The following JDP2 variants were observed in gnomAD, a reference collection of about 807,000 sequenced individuals.
The protein encoded by JDP2 is progesterone receptor co-activator.
JDP2 carries 9 observed loss-of-function variants against 17.1 expected under a neutral mutation model. That is an observed-to-expected ratio of 0.53 (90% CI 0.32 to 0.92). JDP2 has a LOEUF of 0.92. JDP2 is among the 40% of genes least tolerant of loss of function. The probability of loss-of-function intolerance (pLI) is 0.04; values close to 1 mark genes in which losing one functional copy is unlikely to be tolerated. For synonymous variants in JDP2, 107 were observed against 95.6 expected (o/e 1.12, Z -0.69); for missense variants, 179 against 220.0 (o/e 0.81, Z 1.18).
intron 2 of JDP2, among the ~76,000 whole-genome samples, chr14:75,459,527 G>C (rs1183225511): frequency 6.6e-6 from 1 of 152,332 alleles, no homozygotes; most frequent in East Asian, 1.9e-4. Context: ...CGATGGCCAT[G>C]GTGCTGGTCT....
At chr14:75,445,654 A>G (rs1451139355) in intron 2 of JDP2, 2 of 897,406 alleles carry the variant, frequency 2.2e-6, no homozygotes, top group Admixed American at 1.2e-4. Flanking sequence ...AGTACCATAT[A>G]CATATATTAT....
Position 75,465,714 on chromosome 14 carries a change from G to C in JDP2, c.307-3576G>C, listed in dbSNP as rs544891046. ...AAACTGAGGCCCAGAGAGAGGAAGT[G>C]ACGTGGCCAAGTTCACACAGCCAGG... On this transcript the variant is annotated intron_variant, in intron 3 of 3. Transcript: ENST00000651602. 2.0e-5 allele frequency among the ~76,000 whole-genome samples: 3 copies of C among 152,320 alleles called. No individual in the cohort carries two copies. In the South Asian group the frequency reaches 6.2e-4, roughly 32 times the overall value.
At chr14:75,450,602 C>T (rs993644980) in intron 2 of JDP2, among the ~76,000 whole-genome samples, 2 of 152,196 alleles carry the variant, frequency 1.3e-5, no homozygotes, top group African/African-American at 4.8e-5. Flanking sequence ...GCACAGCGTC[C>T]AGTGTGTGGG....
At chr14:75,469,188 G>T (rs1401292619) in intron 3 of JDP2, 102 bp from the exon 4 acceptor site, 1 of 1,069,790 alleles carries the variant, frequency 9.3e-7, no homozygotes, top group Non-Finnish European at 1.4e-6. Context: ...CAGAAAACAG[G>T]CCAGTGCCAG....
chr14:75,447,774 C>G (rs1263538860), intron 2 of JDP2, among the ~76,000 whole-genome samples: 1 of 152,164 alleles, frequency 6.6e-6, no homozygotes, highest in East Asian at 1.9e-4. Flanking sequence ...TCTCCTGGCT[C>G]AGCCTCCTGA....
At chr14:75,432,380 C>T (rs909291238) in intron 1 of JDP2, 2 of 1,537,248 alleles carry the variant, frequency 1.3e-6, no homozygotes, top group Non-Finnish European at 1.8e-6. Context: ...TTCTGACCTT[C>T]TCTGTGGACT....
intron 1 of JDP2, among the ~76,000 whole-genome samples, chr14:75,432,930 G>A (rs563978512): frequency 6.6e-5 from 10 of 152,088 alleles, no homozygotes; most frequent in African/African-American, 2.2e-4. Context: ...GACCGGGCAC[G>A]GTGGCTCACG....
intron 2 of JDP2, among the ~76,000 whole-genome samples, chr14:75,442,855 TTCCTC>T (rs1885417633): frequency 6.6e-6 from 1 of 152,168 alleles, no homozygotes; most frequent in Non-Finnish European, 1.5e-5. Context: ...TTGCGGTTTC[TTCCTC>T]TCCTCAGGCT....
chr14:75,448,527 A>G (rs1885711185), intron 2 of JDP2, among the ~76,000 whole-genome samples: 1 of 152,200 alleles, frequency 6.6e-6, no homozygotes, highest in African/African-American at 2.4e-5. Flanking sequence ...CAAGCTTCCT[A>G]GATGGATCCA....
intron 2 of JDP2, chr14:75,445,302 T>C (rs983362887): frequency 2.0e-6 from 2 of 985,550 alleles, no homozygotes; most frequent in Non-Finnish European, 2.4e-6. Flanking sequence ...AGTGAGGGCC[T>C]GGGCCTCCTC....
intron 2 of JDP2, among the ~76,000 whole-genome samples, chr14:75,457,078 C>T (rs893922229): frequency 5.3e-5 from 8 of 152,250 alleles, no homozygotes; most frequent in African/African-American, 1.9e-4. Flanking sequence ...CCCTCCCACC[C>T]TCAGCCCGCA....
upstream of JDP2, chr14:75,427,012 C>A (rs962338542): frequency 6.6e-6 from 1 of 152,216 alleles, no homozygotes; most frequent in Non-Finnish European, 1.5e-5. This position sits in a 1 kb window ranked among gnomAD's most constrained non-coding sequence, Gnocchi z 4.4. Context: ...GTAGGAGATG[C>A]CATCTAGGGA....
chr14:75,456,858 GCTGT>G (rs996774846), intron 2 of JDP2, among the ~76,000 whole-genome samples: 54 of 152,316 alleles, frequency 3.5e-4, no homozygotes, highest in African/African-American at 1.3e-3. Context: ...TTGAGAGCAG[GCTGT>G]CTGAGGAGGG....
chr14:75,472,461 C>T lies in JDP2; in HGVS notation c.*2986C>T, dbSNP rs2140008514. ...GATGGCACAGACCCACCTGTGCTCA[C>T]AGTACATGTTAAGAATTCCCAAGTC... On this transcript the variant is annotated 3_prime_UTR_variant, in exon 4 of 4. Coordinates refer to ENST00000651602, the MANE Select transcript of JDP2 (RefSeq NM_001135048.2). 1 of 152,350 alleles carries T rather than the reference C, an allele frequency of 6.6e-6. No homozygotes were observed. The highest frequency in any genetic ancestry group is 2.4e-5 in the African/African-American group (1 of 41,568). 9.4% of individuals were successfully genotyped at this position (152,350 alleles called of 1,614,324 possible). A position where few individuals can be genotyped will look rare whatever the true frequency, so the allele number is the denominator to read the frequency against.
At chr14:75,445,829 TAA>T (rs1214537344) in intron 2 of JDP2, 1 of 157,544 alleles carries the variant, frequency 6.3e-6, no homozygotes, top group African/African-American at 2.4e-5. Flanking sequence ...TCTTCAAAAT[TAA>T]AAACTTTGGT....
At chr14:75,443,127 A>G (rs912994157) in intron 2 of JDP2, among the ~76,000 whole-genome samples, 1 of 152,168 alleles carries the variant, frequency 6.6e-6, no homozygotes, top group African/African-American at 2.4e-5. Flanking sequence ...ATGAAGTGTG[A>G]ATAGGAATCC....
At chr14:75,432,412 T>A in intron 1 of JDP2, 1 of 1,404,868 alleles carries the variant, frequency 7.1e-7, no homozygotes, top group Non-Finnish European at 9.8e-7. Flanking sequence ...CATCCGGTTC[T>A]GTCCTGGGAA....
At chr14:75,434,147 C>T (rs1470039152) in intron 1 of JDP2, among the ~76,000 whole-genome samples, 1 of 152,162 alleles carries the variant, frequency 6.6e-6, no homozygotes, top group East Asian at 1.9e-4. Context: ...CACTGCCCCC[C>T]ACTCCCCCTT....
intron 3 of JDP2, among the ~76,000 whole-genome samples, chr14:75,465,307 A>G (rs1168280816): frequency 6.9e-6 from 1 of 145,212 alleles, no homozygotes; most frequent in Non-Finnish European, 1.5e-5. Flanking sequence ...TTTTTAAAAA[A>G]TATAGATTCA....
Sources: gnomAD v4.1 joint callset for allele counts (sites outside exome capture counted in the v4.1 genomes callset) on GRCh38, gnomAD v4.1.1 for gene constraint, Gnocchi (gnomAD v3.1) non-coding constraint, MANE v1.5 for transcripts, NCBI Gene and HGNC (gene_info 2026-07-23, HGNC 2026-07-21) for gene names.